The following AMBRA1 variants were observed in gnomAD, a reference collection of about 807,000 sequenced individuals.
AMBRA1 encodes the protein activating molecule in BECN1-regulated autophagy protein 1.
AMBRA1 carries 47 observed loss-of-function variants against 125.4 expected under a neutral mutation model. The observed-to-expected ratio is 0.37, with a 90% CI of 0.30 to 0.48. The LOEUF (loss-of-function observed/expected upper bound fraction) is 0.48. Among genes scored for constraint, AMBRA1 ranks in the 20% least tolerant of loss-of-function variants. AMBRA1 has a pLI of 0.99. For synonymous variants in AMBRA1, 626 were observed against 655.5 expected (o/e 0.95, Z 0.69); for missense variants, 1,331 against 1,693.4 (o/e 0.79, Z 3.76).
intron 2 of AMBRA1, 69 bp from the exon 3 acceptor site, chr11:46,547,944 A>T: frequency 6.6e-7 from 1 of 1,518,262 alleles, no homozygotes; most frequent in South Asian, 1.2e-5. Context: ...GTATCTCAAA[A>T]GCACATTAAC....
intron 11 of AMBRA1, among the ~76,000 whole-genome samples, chr11:46,486,513 A>G (rs754270420): frequency 3.0e-4 from 46 of 152,174 alleles, no homozygotes; most frequent in Middle Eastern, 3.2e-3. Context: ...TGCCCACCCC[A>G]GTTGACTAAG....
chr11:46,564,400 C>A (rs1330072190), intron 1 of AMBRA1, among the ~76,000 whole-genome samples: 1 of 152,024 alleles, frequency 6.6e-6, no homozygotes, highest in African/African-American at 2.4e-5. Flanking sequence ...CACAATGATA[C>A]TATGAAGATG....
chr11:46,434,865 G>C lies in AMBRA1; in HGVS notation c.2805C>G (p.Leu935=), dbSNP rs774068069. 4 of 1,610,398 alleles carry C rather than the reference G, an allele frequency of 2.5e-6. No individual in the cohort carries two copies. The highest frequency in any genetic ancestry group is 3.4e-6 in the Non-Finnish European group (4 of 1,178,516). ...SLAPHNLGEM[L]YTKRFGPNAI... ...ATCCCTTACCAAATCGCTTGGTGTA[G>C]AGCATTTCGCCCAGGTTATGGGGGG... The change falls in exon 13 of 18, where the codon CTC becomes CTG. Residue 935 remains leucine, a synonymous_variant. Transcript: ENST00000683756.
At chr11:46,513,304 G>A (rs1268076829) in intron 7 of AMBRA1, among the ~76,000 whole-genome samples, 4 of 145,862 alleles carry the variant, frequency 2.7e-5, no homozygotes, top group Admixed American at 6.8e-5. Flanking sequence ...GTACTCCTCA[G>A]ATATATAACT....
chr11:46,525,373 C>T (rs1473463856), intron 7 of AMBRA1, among the ~76,000 whole-genome samples: 1 of 151,876 alleles, frequency 6.6e-6, no homozygotes, highest in East Asian at 1.9e-4. Context: ...GGGTGGATCA[C>T]CTGAGGTCAG....
rs572204951 is a variant in AMBRA1 at position 46,430,215 on chromosome 11, G to A, written c.2976+3259C>T. The stretch of plus-strand genomic sequence containing the variant: ...AGCAACAGCCTAGAAAAGATGGGAG[G>A]TGAGGCGCAGACAGCCAAAAAAGCT... On this transcript the variant is annotated intron_variant, in intron 14 of 17. Coordinates refer to ENST00000683756, the MANE Select transcript of AMBRA1 (RefSeq NM_001387011.1). 2.1e-3 allele frequency among the ~76,000 whole-genome samples: 323 copies of A among 152,282 alleles called. 1 individual carries two copies. The highest frequency in any genetic ancestry group is 3.7e-3 in the Non-Finnish European group (250 of 68,018).
intron 17 of AMBRA1, among the ~76,000 whole-genome samples, chr11:46,401,193 T>A (rs1041486780): frequency 1.3e-5 from 2 of 152,182 alleles, no homozygotes; most frequent in African/African-American, 4.8e-5. Flanking sequence ...GTGGCTGGCC[T>A]GAGGCCTGCT....
chr11:46,398,092 G>A, intron 17 of AMBRA1, 149 bp from the exon 18 acceptor site: 1 of 1,129,106 alleles, frequency 8.9e-7, no homozygotes, highest in Non-Finnish European at 1.2e-6. Context: ...ACCAATCCGA[G>A]TCTTGAAAGC....
intron 11 of AMBRA1, among the ~76,000 whole-genome samples, chr11:46,450,817 CA>C (rs1948552168): frequency 6.6e-6 from 1 of 152,156 alleles, no homozygotes; most frequent in Admixed American, 6.5e-5. Flanking sequence ...ATACATTTGC[CA>C]AAACCAGTGA....
intron 11 of AMBRA1, among the ~76,000 whole-genome samples, chr11:46,476,056 G>A (rs1171651111): frequency 6.6e-6 from 1 of 152,156 alleles, no homozygotes; most frequent in East Asian, 1.9e-4. Flanking sequence ...GGAAAAGGTG[G>A]AGAGCTGCAC....
At chr11:46,437,802 C>T (rs1947799920) in intron 12 of AMBRA1, among the ~76,000 whole-genome samples, 1 of 152,042 alleles carries the variant, frequency 6.6e-6, no homozygotes, top group South Asian at 2.1e-4. Context: ...TTGGATTCAA[C>T]AATAATATAA....
chr11:46,556,754 G>A (rs2043167017), intron 1 of AMBRA1, among the ~76,000 whole-genome samples: 1 of 152,060 alleles, frequency 6.6e-6, no homozygotes, highest in African/African-American at 2.4e-5. Flanking sequence ...GTATATCACA[G>A]GGCTACCACA....
At position 46,542,092 on chromosome 11, in the gene AMBRA1, T is replaced by C; in HGVS notation, c.1925A>G (p.Glu642Gly). ...LELSSSASPQ[E>G]ERTVGVAFNQ... is the part of the protein sequence containing the mutation. ...AAAGGCCACCCCCACAGTCCTCTCC[T>C]CCTGCGGACTAGCAGAGCTGCTCAA... The change falls in exon 7 of 18, where the codon GAG (glutamate) becomes GGG (glycine). Residue 642 changes from glutamate (E) to glycine (G), a missense_variant. By Grantham distance (98) the Glu-to-Gly change is moderately conservative. Around this residue, in one of 4 missense-constraint regions of AMBRA1, gnomAD observed 689 missense variants for 776.5 expected, o/e 0.89. Transcript: ENST00000683756. The surrounding 1 kb of genome is among the most constrained non-coding windows in gnomAD (Gnocchi z 5.9). 1 of 1,613,894 alleles carries C rather than the reference T, an allele frequency of 6.2e-7. No homozygotes were observed. Among genetic ancestry groups the C allele is most frequent in the Non-Finnish European group, 8.5e-7 (1 of 1,179,928 alleles).
intron 12 of AMBRA1, among the ~76,000 whole-genome samples, chr11:46,438,488 C>T (rs2864076): frequency 0.21 from 32,296 of 152,124 alleles, 4,113 homozygotes; most frequent in African/African-American, 0.36. Context: ...GATGAGGCCA[C>T]GGGAGCAATT....
chr11:46,588,943 A>T (rs924270407), intron 1 of AMBRA1, among the ~76,000 whole-genome samples: 3 of 152,184 alleles, frequency 2.0e-5, no homozygotes, highest in African/African-American at 7.2e-5. Flanking sequence ...AAAAAAATGG[A>T]AAAATAGTAT....
At chr11:46,426,816 T>C (rs1947159048) in intron 14 of AMBRA1, among the ~76,000 whole-genome samples, 1 of 152,190 alleles carries the variant, frequency 6.6e-6, no homozygotes, top group African/African-American at 2.4e-5. Flanking sequence ...GAGGACAAAA[T>C]TTTAGGAAGG....
At chr11:46,526,191 A>G (rs554979761) in intron 7 of AMBRA1, among the ~76,000 whole-genome samples, 8 of 152,162 alleles carry the variant, frequency 5.3e-5, no homozygotes, top group Non-Finnish European at 1.0e-4. Flanking sequence ...GGGCAACAAG[A>G]GCGAAACATC....
At chr11:46,591,636 C>A (rs1371060285) in intron 1 of AMBRA1, among the ~76,000 whole-genome samples, 1 of 152,094 alleles carries the variant, frequency 6.6e-6, no homozygotes, top group Non-Finnish European at 1.5e-5. Flanking sequence ...GCAGGTGGAT[C>A]ACGAGGTCAG....
chr11:46,552,460 G>A (rs2043034750), intron 1 of AMBRA1, among the ~76,000 whole-genome samples: 1 of 149,912 alleles, frequency 6.7e-6, no homozygotes, highest in Non-Finnish European at 1.5e-5. Flanking sequence ...GGCTGAGGTG[G>A]GTGGTAACAA....
Sources: gnomAD v4.1 joint callset for allele counts (sites outside exome capture counted in the v4.1 genomes callset) on GRCh38, gnomAD v4.1.1 for gene constraint, gnomAD v4.1.1 regional missense constraint, Gnocchi (gnomAD v3.1) non-coding constraint, MANE v1.5 for transcripts, NCBI Gene and HGNC (gene_info 2026-07-23, HGNC 2026-07-21) for gene names.